Variants in BEAN1 observed in about 807,000 individuals in gnomAD.
The protein encoded by BEAN1 is brain expressed associated with NEDD4 1.
In BEAN1, 17 loss-of-function variants were observed where a neutral mutation model predicts 17.7. The ratio of observed to expected loss-of-function variants is 0.96; its 90% CI spans 0.66 to 1.44. BEAN1 has a LOEUF of 1.44. BEAN1 is among the 40% of genes most tolerant of loss of function. BEAN1 has a pLI of 0.00. For missense variants in BEAN1, 359 were observed against 374.1 expected, an observed-to-expected ratio of 0.96 and a Z score of 0.33; for synonymous variants, 142 against 151.8, an observed-to-expected ratio of 0.94 and a Z score of 0.47.
chr16:66,430,647 C>A (rs985025882), intron 1 of BEAN1, among the ~76,000 whole-genome samples: 2 of 152,210 alleles, frequency 1.3e-5, no homozygotes, highest in Admixed American at 6.5e-5. Flanking sequence ...CCTGTTTGAA[C>A]AGTAATCAAA....
intron 2 of BEAN1, among the ~76,000 whole-genome samples, chr16:66,465,241 G>T (rs965493890): frequency 6.6e-6 from 1 of 152,054 alleles, no homozygotes; most frequent in African/African-American, 2.4e-5. Context: ...GGGATAAATC[G>T]TATCTAGTCC....
Position 66,477,593 on chromosome 16 carries a change from G to A in BEAN1, c.323G>A (p.Arg108His), listed in dbSNP as rs771770615. The change falls in exon 4 of 5, where the codon CGC becomes CAC. Residue 108 changes from arginine to histidine, a missense_variant. Arg to His is a conservative substitution (Grantham distance 29). Transcript: ENST00000536005. ...GAGCACACATACAGCCGCTCAAGCC[G>A]CAGGATGCGCTATGCCTGCAGCTCC... The part of the protein sequence containing the change: ...SDEHTYSRSS[R>H]RMRYACSSSE... 1.5e-5 allele frequency: 24 copies of A among 1,549,540 alleles called. No individual in the cohort carries two copies. Among genetic ancestry groups the A allele is most frequent in the African/African-American group, 6.8e-5 (5 of 73,108 alleles).
chr16:66,483,676 G>GGCA (rs1964043623), downstream of BEAN1: 2 of 152,144 alleles, frequency 1.3e-5, no homozygotes, highest in South Asian at 2.1e-4. Context: ...AGTCCTAGAT[G>GGCA]CCCCCAAGTG....
intron 2 of BEAN1, among the ~76,000 whole-genome samples, chr16:66,458,421 TG>T (rs1962955194): frequency 6.6e-6 from 1 of 152,062 alleles, no homozygotes; most frequent in Non-Finnish European, 1.5e-5. Flanking sequence ...TCATAGTTTT[TG>T]GCCCCCTCCC....
intron 1 of BEAN1, among the ~76,000 whole-genome samples, chr16:66,436,266 C>CTTTTTTTTTTTTT (rs560577711): frequency 7.5e-5 from 9 of 120,638 alleles, no homozygotes; most frequent in Non-Finnish European, 1.2e-4. Flanking sequence ...TTTTTCTTTT[C>CTTTTTTTTTTTTT]TTTTTTTTTT....
intron 2 of BEAN1, among the ~76,000 whole-genome samples, chr16:66,447,514 T>G (rs1452789139): frequency 6.6e-6 from 1 of 152,144 alleles, no homozygotes; most frequent in Non-Finnish European, 1.5e-5. Context: ...ACTAACTCAG[T>G]CTTCCCTGCA....
At chr16:66,446,718 G>T (rs996589348) in intron 2 of BEAN1, among the ~76,000 whole-genome samples, 1 of 152,148 alleles carries the variant, frequency 6.6e-6, no homozygotes, top group African/African-American at 2.4e-5. Context: ...GTATCTAGAA[G>T]TCTTGCCAGG....
exon 5 of BEAN1, chr16:66,493,256 T>C (rs1206015623): frequency 1.4e-6 from 1 of 702,818 alleles, no homozygotes; most frequent in Non-Finnish European, 2.6e-6. Context: ...GCCCTGCAGC[T>C]GCCTCGAGGG....
At position 66,427,370 on chromosome 16, in the gene BEAN1, G is replaced by A. The variant is rs1961616990; in HGVS notation, c.-144G>A. The A allele has an allele frequency of 6.6e-6, 1 of 151,800 alleles. No individual in the cohort carries two copies. Among genetic ancestry groups the A allele is most frequent in the Admixed American group, 6.6e-5 (1 of 15,190 alleles). The allele number at this position is 151,800 out of a possible 1,614,324, so 9.4% of individuals were successfully genotyped here. A position where few individuals can be genotyped will look rare whatever the true frequency, so the allele number is the denominator to read the frequency against. ...AGCCGGAGCCGGGGCGGGAACCGGAGCTGGAGCCGAAGCTGGAGCCGGCAC... is the reference window on the plus strand; with the variant it reads ...AGCCGGAGCCGGGGCGGGAACCGGAACTGGAGCCGAAGCTGGAGCCGGCAC... On this transcript the variant is annotated 5_prime_UTR_variant, in exon 1 of 5. Transcript: ENST00000536005. The surrounding 1 kb of genome is among the most constrained non-coding windows in gnomAD (Gnocchi z 4.7).
At chr16:66,448,640 G>A (rs1324913989) in intron 2 of BEAN1, among the ~76,000 whole-genome samples, 1 of 152,016 alleles carries the variant, frequency 6.6e-6, no homozygotes, top group Non-Finnish European at 1.5e-5. Flanking sequence ...TGGCCAACAT[G>A]GCAAAACCTC....
At chr16:66,443,634 C>T (rs1962339282) in intron 2 of BEAN1, among the ~76,000 whole-genome samples, 2 of 152,162 alleles carry the variant, frequency 1.3e-5, no homozygotes, top group African/African-American at 4.8e-5. Context: ...CTAGTGAGTA[C>T]TCGGCATTTG....
At chr16:66,456,532 C>T (rs1962874505) in intron 2 of BEAN1, among the ~76,000 whole-genome samples, 1 of 152,132 alleles carries the variant, frequency 6.6e-6, no homozygotes, top group South Asian at 2.1e-4. Flanking sequence ...CAAGAGCCAA[C>T]TCTAGATGGT....
rs1236232057 is a variant in BEAN1, at chr16:66,463,420, C to T, written c.26-6182C>T. Among the ~76,000 whole-genome samples the T allele has an allele frequency of 2.0e-5, 3 of 152,144 alleles. No individual in the cohort carries two copies. In the East Asian group the frequency reaches 5.8e-4, roughly 29 times the overall value. ...ATGATGTTGGGCAACTTTTCATGTG[C>T]TTACTGGCCAATTGTATCTTCTTTG... On this transcript the variant is annotated intron_variant, in intron 2 of 4. Transcript: ENST00000536005.
At chr16:66,450,070 G>A (rs561642117) in intron 2 of BEAN1, among the ~76,000 whole-genome samples, 1 of 152,290 alleles carries the variant, frequency 6.6e-6, no homozygotes, top group African/African-American at 2.4e-5. Flanking sequence ...CACAAGAGTG[G>A]CTGAAGTTCA....
chr16:66,428,713 C>T (rs1468695323), intron 1 of BEAN1, among the ~76,000 whole-genome samples: 3 of 152,092 alleles, frequency 2.0e-5, no homozygotes, highest in Non-Finnish European at 2.9e-5. Flanking sequence ...AGCCAGTGGC[C>T]AATTGTGGTG....
Position 66,473,168 on chromosome 16 carries a change from T to G in BEAN1, c.289+3303T>G, listed in dbSNP as rs1001544561. On this transcript the variant is annotated intron_variant, in intron 3 of 4. Coordinates refer to ENST00000536005, the MANE Select transcript of BEAN1 (RefSeq NM_001178020.3). The surrounding 1 kb of genome is among the most constrained non-coding windows in gnomAD (Gnocchi z 4.5). Reference sequence around the variant, plus strand: ...TTGGCCTTGGCGCAGAGGAAAGAGATGGGCTTAGGGGCAGGCCAGCCCCTC... The same window carrying G: ...TTGGCCTTGGCGCAGAGGAAAGAGAGGGGCTTAGGGGCAGGCCAGCCCCTC... Among the ~76,000 whole-genome samples, 7 of 152,100 alleles carry G rather than the reference T, an allele frequency of 4.6e-5. No individual in the cohort carries two copies. The highest frequency in any genetic ancestry group is 1.2e-4 in the African/African-American group (5 of 41,430).
chr16:66,442,550 C>T (rs1006907650), intron 2 of BEAN1, among the ~76,000 whole-genome samples: 33 of 152,236 alleles, frequency 2.2e-4, no homozygotes, highest in Admixed American at 7.8e-4. Flanking sequence ...TGGCAGGAAT[C>T]GCAGCCAGGC....
Position 66,436,580 on chromosome 16 carries a change from T to C in BEAN1, c.-82-1015T>C, listed in dbSNP as rs535498613. Among the ~76,000 whole-genome samples the C allele has an allele frequency of 4.5e-4, 62 of 137,506 alleles. No homozygotes were observed. In the East Asian group the frequency reaches 5.8e-3, roughly 13 times the overall value. The allele number at this position is 137,506 out of a possible 152,430, so 90.2% of individuals were successfully genotyped here. Reference sequence around the variant, plus strand: ...GGTGTGAGCCACTGCATCCAGCCCCTTTTTTTTTTTTTAAAGAGAGGGTCT... The same window carrying C: ...GGTGTGAGCCACTGCATCCAGCCCCCTTTTTTTTTTTTAAAGAGAGGGTCT... On this transcript the variant is annotated intron_variant, in intron 1 of 4. Transcript: ENST00000536005.
intron 2 of BEAN1, among the ~76,000 whole-genome samples, chr16:66,441,517 C>A (rs1962255995): frequency 6.6e-6 from 1 of 152,180 alleles, no homozygotes; most frequent in Non-Finnish European, 1.5e-5. Flanking sequence ...GAAGCCCCCA[C>A]AAAATGGGAA....
Sources: allele counts gnomAD v4.1 joint callset (sites outside exome capture counted in the v4.1 genomes callset), GRCh38; gene constraint gnomAD v4.1.1; non-coding constraint Gnocchi (gnomAD v3.1); transcripts MANE v1.5; gene names NCBI Gene and HGNC (gene_info 2026-07-23, HGNC 2026-07-21).